Variants in TENM1 observed in about 807,000 individuals in gnomAD.
The protein encoded by TENM1 is teneurin-1.
Under a neutral mutation model 174.8 loss-of-function variants are expected in TENM1, and 35 were observed. That is an observed-to-expected ratio of 0.20 (90% CI 0.15 to 0.27). TENM1 has a LOEUF of 0.27. Among genes scored for constraint, TENM1 ranks in the 10% least tolerant of loss-of-function variants. The probability of loss-of-function intolerance (pLI) is 1.00; values close to 1 mark genes in which losing one functional copy is unlikely to be tolerated. For synonymous variants in TENM1, 781 were observed against 798.7 expected (o/e 0.98, Z 0.37); for missense variants, 1,633 against 2,130.1 (o/e 0.77, Z 4.59).
intron 11 of TENM1, among the ~76,000 whole-genome samples, chrX:124,567,153 T>C (rs779411697): frequency 3.0e-4 from 34 of 111,681 alleles, no homozygotes; most frequent in Admixed American, 8.6e-4. Context: ...CTAAGATATA[T>C]GTAAAAAGCC....
intron 3 of TENM1, among the ~76,000 whole-genome samples, chrX:124,845,764 T>A (rs2056594888): frequency 9.1e-6 from 1 of 109,754 alleles, no homozygotes; most frequent in Non-Finnish European, 1.9e-5. Flanking sequence ...TGATGGGGCA[T>A]GTACGGAAGC....
At chrX:124,504,564 A>G (rs1239230074) in intron 18 of TENM1, among the ~76,000 whole-genome samples, 3 of 111,280 alleles carry the variant, frequency 2.7e-5, no homozygotes, top group Non-Finnish European at 5.7e-5. Flanking sequence ...AATGCTTTCT[A>G]TCCTCATAAT....
chrX:124,731,280 C>G, intron 4 of TENM1, among the ~76,000 whole-genome samples: 1 of 111,887 alleles, frequency 8.9e-6, no homozygotes, highest in Non-Finnish European at 1.9e-5. Flanking sequence ...TCTGAGAGGC[C>G]TTCTCAACTA....
intron 11 of TENM1, among the ~76,000 whole-genome samples, chrX:124,589,072 C>T (rs1602732267): frequency 1.1e-5 from 1 of 91,668 alleles, no homozygotes. Context: ...ATGTATGTTC[C>T]TTTGATGCCT....
intron 7 of TENM1, among the ~76,000 whole-genome samples, chrX:124,652,572 G>A (rs2051336151): frequency 1.8e-5 from 2 of 111,725 alleles, no homozygotes; most frequent in Admixed American, 9.6e-5. Context: ...GGAGAATCTT[G>A]ACATTTTACT....
chrX:124,579,661 T>C (rs1345841348), intron 11 of TENM1, among the ~76,000 whole-genome samples: 2 of 112,305 alleles, frequency 1.8e-5, no homozygotes, highest in Non-Finnish European at 3.8e-5. Context: ...TATTGTAAGT[T>C]GATGAAGGCA....
Position 124,757,299 on chromosome X carries a change from G to C in TENM1, c.536-20102C>G, listed in dbSNP as rs373939995. ...CGTGGGCGTAGGACCCTCCAAGCCA[G>C]GTGCGGGATATAATCTCCTGGTGCG... On this transcript the variant is annotated intron_variant, in intron 3 of 31. Transcript: ENST00000422452. Among the ~76,000 whole-genome samples the C allele has an allele frequency of 1.2e-3, 139 of 112,699 alleles. 1 individual carries two copies. The highest frequency in any genetic ancestry group is 4.2e-3 in the African/African-American group (131 of 31,083).
chrX:125,099,009 A>C, the TENM1 span, among the ~76,000 whole-genome samples: 1 of 112,496 alleles, frequency 8.9e-6, no homozygotes, highest in East Asian at 2.8e-4. Context: ...AAATTATTTC[A>C]AGGACATAAA....
At chrX:124,940,266 G>A (rs1172010282) in intron 1 of TENM1, among the ~76,000 whole-genome samples, 1 of 111,658 alleles carries the variant, frequency 9.0e-6, no homozygotes, top group Non-Finnish European at 1.9e-5. Flanking sequence ...TAAATACACT[G>A]CTTCTATATC....
At chrX:124,738,138 G>A (rs747598488) in intron 3 of TENM1, among the ~76,000 whole-genome samples, 6 of 111,993 alleles carry the variant, frequency 5.4e-5, no homozygotes, top group African/African-American at 1.6e-4. Context: ...TTCCACAGGA[G>A]AAACATAATA....
intron 1 of TENM1, among the ~76,000 whole-genome samples, chrX:124,903,438 A>G (rs2057695305): frequency 8.9e-6 from 1 of 112,195 alleles, no homozygotes; most frequent in South Asian, 3.7e-4. Context: ...ACTCAAAAGG[A>G]AAGAAGACGA....
intron 27 of TENM1, among the ~76,000 whole-genome samples, chrX:124,402,375 G>A (rs1359456997): frequency 3.6e-5 from 4 of 111,808 alleles, no homozygotes; most frequent in Non-Finnish European, 5.6e-5. Context: ...AGAGAAGAGG[G>A]CCTTGAATTT....
At chrX:124,390,149 G>A (rs2060267488) in intron 28 of TENM1, among the ~76,000 whole-genome samples, 1 of 112,045 alleles carries the variant, frequency 8.9e-6, no homozygotes, top group South Asian at 3.7e-4. Flanking sequence ...TTGTAGCAAA[G>A]AGAACTTGTG....
chrX:125,193,027 T>C, the TENM1 span, among the ~76,000 whole-genome samples: 1 of 111,223 alleles, frequency 9.0e-6, no homozygotes, highest in East Asian at 2.8e-4. Flanking sequence ...GAATTATTTT[T>C]TCATGTCTTT....
chrX:124,569,196 T>TCAAACAAACAAACAAACAAA (rs199921399), intron 11 of TENM1, among the ~76,000 whole-genome samples: 12 of 107,961 alleles, frequency 1.1e-4, no homozygotes, highest in East Asian at 2.9e-4. Context: ...AGGCCCTGTC[T>TCAAACAAACAAACAAACAAA]CAAACAAACA....
chrX:125,185,829 T>TCG, the TENM1 span, among the ~76,000 whole-genome samples: 5 of 112,025 alleles, frequency 4.5e-5, no homozygotes, highest in Admixed American at 9.5e-5. Flanking sequence ...GAGATGAGGG[T>TCG]TGTGAATATA....
intron 3 of TENM1, among the ~76,000 whole-genome samples, chrX:124,843,806 T>C (rs1183847579): frequency 9.0e-6 from 1 of 111,427 alleles, no homozygotes; most frequent in Non-Finnish European, 1.9e-5. Context: ...TTAAAGAGTA[T>C]CATTTGGTGC....
At chrX:124,892,044 T>C (rs141922566) in intron 3 of TENM1, among the ~76,000 whole-genome samples, 1,210 of 111,377 alleles carry the variant, frequency 0.011, 41 homozygotes, top group Admixed American at 0.096. Flanking sequence ...TGAAGAGTAG[T>C]AATGTTGTTA....
the TENM1 span, among the ~76,000 whole-genome samples, chrX:124,969,457 A>G: frequency 8.9e-6 from 1 of 112,296 alleles, no homozygotes; most frequent in Non-Finnish European, 1.9e-5. Context: ...TGTGGAAATC[A>G]TTGACCTTCA....
Sources: gnomAD v4.1 joint callset for allele counts (sites outside exome capture counted in the v4.1 genomes callset) on GRCh38, gnomAD v4.1.1 for gene constraint, MANE v1.5 for transcripts, NCBI Gene and HGNC (gene_info 2026-07-23, HGNC 2026-07-21) for gene names.